The following JMJD1C variants were observed in gnomAD, a reference collection of about 807,000 sequenced individuals.
JMJD1C encodes the protein jumonji domain-containing protein 1C.
A neutral mutation model predicts 245.3 loss-of-function variants in JMJD1C; 31 were observed. The observed-to-expected ratio is 0.13, with a 90% CI of 0.09 to 0.17. The LOEUF is 0.17. JMJD1C is among the 10% of genes least tolerant of loss of function. The pLI is 1.00. For missense variants in JMJD1C, 2,691 were observed against 3,000.2 expected (o/e 0.90, Z 2.41); for synonymous variants, 1,057 against 1,017.4 (o/e 1.04, Z -0.74).
intron 1 of JMJD1C, chr10:63,427,871 T>TGGC (rs1159925941): frequency 3.8e-5 from 31 of 815,472 alleles, no homozygotes; most frequent in Non-Finnish European, 6.0e-5. Flanking sequence ...GCAAAGGAGA[T>TGGC]GGCACTGGCA....
chr10:63,391,335 C>T (rs1948037360), intron 1 of JMJD1C, among the ~76,000 whole-genome samples: 1 of 151,998 alleles, frequency 6.6e-6, no homozygotes, highest in Admixed American at 6.6e-5. Flanking sequence ...ACGGTGAAAC[C>T]CCGTCTCTAC....
chr10:63,498,219 G>A (rs1278845396), intron 1 of JMJD1C, among the ~76,000 whole-genome samples: 4 of 152,142 alleles, frequency 2.6e-5, no homozygotes, highest in Non-Finnish European at 2.9e-5. Context: ...GTAAGTTTGA[G>A]GATGGGAGCA....
At chr10:63,226,980 A>T (rs1018388950) in intron 3 of JMJD1C, among the ~76,000 whole-genome samples, 14 of 152,124 alleles carry the variant, frequency 9.2e-5, no homozygotes, top group African/African-American at 3.4e-4. Context: ...AGGCAGGAGA[A>T]TCCCTTGAAC....
intron 3 of JMJD1C, among the ~76,000 whole-genome samples, chr10:63,228,079 T>C (rs553172168): frequency 7.9e-5 from 12 of 152,328 alleles, no homozygotes; most frequent in African/African-American, 2.9e-4. Flanking sequence ...GGCTTCCATG[T>C]ATTTTCATGA....
rs573065816 is a variant in JMJD1C at position 63,292,144 on chromosome 10, A to ATTT, written c.334-27383_334-27381dup. ...TTTTTTTTAGTTTCTGTAGAGACAGATTTTTTTTTTTTTTTTTTTGCCTAG... is the reference window on the plus strand; with the variant it reads ...TTTTTTTTAGTTTCTGTAGAGACAGATTTTTTTTTTTTTTTTTTTTTTGCCTAG... On this transcript the variant is annotated intron_variant, in intron 2 of 25. Coordinates refer to ENST00000399262, the MANE Select transcript of JMJD1C (RefSeq NM_032776.3). Among the ~76,000 whole-genome samples, 407 of 56,334 alleles carry ATTT rather than the reference A, an allele frequency of 7.2e-3. 71 individuals are homozygous for ATTT. Among genetic ancestry groups the ATTT allele is most frequent in the African/African-American group, 0.028 (383 of 13,514 alleles). The allele number at this position is 56,334 out of a possible 152,430, so 37.0% of individuals were successfully genotyped here. A position where few individuals can be genotyped will look rare whatever the true frequency, so the allele number is the denominator to read the frequency against.
chr10:63,215,440 C>T lies in JMJD1C; in HGVS notation c.838G>A (p.Ala280Thr). 1 of 1,614,072 alleles carries T rather than the reference C, an allele frequency of 6.2e-7. No homozygotes were observed. Among genetic ancestry groups the T allele is most frequent in the Middle Eastern group, 1.6e-4 (1 of 6,062 alleles). ...GCTGGTCTGGGACTATTTGCTTGGGCACGTGTATAATGGCTCTAAAAATAA... is the reference window on the plus strand; with the variant it reads ...GCTGGTCTGGGACTATTTGCTTGGGTACGTGTATAATGGCTCTAAAAATAA... Reference protein sequence around the residue: ...VNAVHSHYTRAQANSPRPAMN... With the variant: ...VNAVHSHYTRTQANSPRPAMN... Residue 280 changes from alanine (A) to threonine (T), a missense_variant, in exon 7 of 26, where the codon GCC becomes ACC. Transcript: ENST00000399262.
chr10:63,356,096 C>A (rs989630526), intron 2 of JMJD1C, among the ~76,000 whole-genome samples: 1 of 152,158 alleles, frequency 6.6e-6, no homozygotes. Flanking sequence ...TAGGGTTACA[C>A]AATCTACATA....
At chr10:63,514,564 G>A (rs1055758290) in intron 1 of JMJD1C, among the ~76,000 whole-genome samples, 5 of 152,104 alleles carry the variant, frequency 3.3e-5, no homozygotes, top group African/African-American at 1.2e-4. Flanking sequence ...ACTTATAAGT[G>A]GGAGCTAAAC....
intron 2 of JMJD1C, among the ~76,000 whole-genome samples, chr10:63,351,958 C>A (rs567976980): frequency 6.6e-6 from 1 of 152,180 alleles, no homozygotes; most frequent in South Asian, 2.1e-4. Flanking sequence ...AACAGCAAAT[C>A]CTCTCTAGAG....
intron 3 of JMJD1C, among the ~76,000 whole-genome samples, chr10:63,227,049 C>T (rs1398965365): frequency 6.6e-6 from 1 of 152,042 alleles, no homozygotes; most frequent in African/African-American, 2.4e-5. Flanking sequence ...GTCTGGGTGG[C>T]AGAGTGAGAC....
intron 1 of JMJD1C, among the ~76,000 whole-genome samples, chr10:63,505,678 A>C (rs946085052): frequency 2.6e-5 from 4 of 152,196 alleles, no homozygotes; most frequent in African/African-American, 9.6e-5. Flanking sequence ...ATGTTTGTTC[A>C]AGAAGCATCA....
At chr10:63,290,492 C>T (rs1052466881) in intron 2 of JMJD1C, among the ~76,000 whole-genome samples, 1 of 152,000 alleles carries the variant, frequency 6.6e-6, no homozygotes, top group South Asian at 2.1e-4. Flanking sequence ...ACCCAGGAGG[C>T]GGAGGTTGCA....
At chr10:63,426,363 A>T (rs1950439805) in intron 1 of JMJD1C, among the ~76,000 whole-genome samples, 1 of 152,206 alleles carries the variant, frequency 6.6e-6, no homozygotes, top group Non-Finnish European at 1.5e-5. Flanking sequence ...TCTATTAAAA[A>T]AAAAATTCTT....
In JMJD1C at chr10:63,189,367, C is replaced by T. The variant is rs1844489724; in HGVS notation, c.6371G>A (p.Ser2124Asn). The T allele has an allele frequency of 4.3e-6, 7 of 1,613,702 alleles. No homozygotes were observed. The highest frequency in any genetic ancestry group is 5.9e-6 in the Non-Finnish European group (7 of 1,179,866). ...TTTTACATTTATCTTGGAGGTTTTA[C>T]TTGGTGGAATTTTGTTTTCAACAAC... ...ASVVENKIPP[S>N]KTSKINVKPE... The change falls in exon 18 of 26, where the codon AGT (serine) becomes AAT (asparagine). Residue 2124 changes from serine (S) to asparagine (N), a missense_variant. Physicochemically the swap from Ser to Asn is conservative, Grantham distance 46. This residue lies in a region of JMJD1C where 275 missense variants were observed against 285.5 expected (regional missense o/e 0.96). Coordinates refer to ENST00000399262, the MANE Select transcript of JMJD1C (RefSeq NM_032776.3).
chr10:63,489,792 G>GT (rs1307482188), intron 1 of JMJD1C, among the ~76,000 whole-genome samples: 1 of 152,122 alleles, frequency 6.6e-6, no homozygotes, highest in African/African-American at 2.4e-5. Context: ...GATTACAGGC[G>GT]TGAGCCACTG....
At chr10:63,270,054 A>G (rs1430446513) in intron 2 of JMJD1C, among the ~76,000 whole-genome samples, 1 of 152,214 alleles carries the variant, frequency 6.6e-6, no homozygotes. Flanking sequence ...GGGTTAAATA[A>G]AATACTGTAA....
intron 1 of JMJD1C, among the ~76,000 whole-genome samples, chr10:63,463,690 A>G (rs1952964673): frequency 6.6e-6 from 1 of 152,228 alleles, no homozygotes; most frequent in African/African-American, 2.4e-5. Context: ...TCACATAGGT[A>G]TGGTTCAACA....
At chr10:63,424,493 A>ATTTT in intron 1 of JMJD1C, among the ~76,000 whole-genome samples, 1 of 89,282 alleles carries the variant, frequency 1.1e-5, no homozygotes, top group East Asian at 4.4e-4. Context: ...AACCATTATT[A>ATTTT]TTTCTTTTTT....
intron 2 of JMJD1C, among the ~76,000 whole-genome samples, chr10:63,335,932 G>A (rs12219332): frequency 6.6e-6 from 1 of 151,754 alleles, no homozygotes; most frequent in South Asian, 2.1e-4. Context: ...AACAGCCTGG[G>A]CAACATGGTG....
Sources: allele counts gnomAD v4.1 joint callset (sites outside exome capture counted in the v4.1 genomes callset), GRCh38; gene constraint gnomAD v4.1.1; regional missense constraint gnomAD v4.1.1; transcripts MANE v1.5; gene names NCBI Gene and HGNC (gene_info 2026-07-23, HGNC 2026-07-21).